Variants in MLLT3 observed in about 807,000 individuals in gnomAD.
MLLT3 encodes the protein MLLT3 super elongation complex subunit, also known as protein AF-9.
In MLLT3, 4 loss-of-function variants were observed where a neutral mutation model predicts 53.2. The observed-to-expected ratio is 0.08, with a 90% confidence interval of 0.04 to 0.17. MLLT3 has a LOEUF of 0.17. Ranked by LOEUF, MLLT3 falls within the 10% of genes least tolerant of loss-of-function variation. MLLT3 has a pLI of 1.00. For synonymous variants in MLLT3, 283 were observed against 230.6 expected (o/e 1.23, Z -2.06); for missense variants, 569 against 684.0 (o/e 0.83, Z 1.87).
At chr9:20,518,172 C>T (rs1817963484) in intron 2 of MLLT3, among the ~76,000 whole-genome samples, 1 of 152,074 alleles carries the variant, frequency 6.6e-6, no homozygotes, top group African/African-American at 2.4e-5. Context: ...ATGGTGAAAC[C>T]TCATATCTAC....
intron 2 of MLLT3, among the ~76,000 whole-genome samples, chr9:20,464,215 T>C (rs1275756035): frequency 6.6e-6 from 1 of 152,038 alleles, no homozygotes; most frequent in African/African-American, 2.4e-5. Flanking sequence ...TGTTAATTTA[T>C]AAAATTATAC....
chr9:20,368,463 A>G (rs1213462690), intron 5 of MLLT3, among the ~76,000 whole-genome samples: 1 of 152,150 alleles, frequency 6.6e-6, no homozygotes. Context: ...GCCAGTTCAC[A>G]TTGTATTGGA....
chr9:20,487,057 T>TA (rs893258917), intron 2 of MLLT3, among the ~76,000 whole-genome samples: 2 of 152,130 alleles, frequency 1.3e-5, no homozygotes, highest in Admixed American at 6.5e-5. Context: ...AATCAGACTA[T>TA]AAAAAATCAA....
intron 3 of MLLT3, among the ~76,000 whole-genome samples, chr9:20,449,205 G>A (rs960704343): frequency 1.3e-5 from 2 of 152,118 alleles, no homozygotes; most frequent in Non-Finnish European, 2.9e-5. Context: ...TACCCTGCTG[G>A]ATCAGAAGAC....
intron 2 of MLLT3, among the ~76,000 whole-genome samples, chr9:20,534,389 C>T (rs1326745257): frequency 6.6e-6 from 1 of 152,126 alleles, no homozygotes; most frequent in Non-Finnish European, 1.5e-5. Flanking sequence ...CTATTTTAAT[C>T]CTTTATATAA....
chr9:20,497,446 C>T (rs1825105857), intron 2 of MLLT3, among the ~76,000 whole-genome samples: 2 of 152,208 alleles, frequency 1.3e-5, no homozygotes, highest in South Asian at 4.1e-4. Context: ...CCCCTCCCTG[C>T]CCTGTCTAGG....
chr9:20,445,819 A>G (rs1823680674), intron 4 of MLLT3, among the ~76,000 whole-genome samples: 1 of 152,158 alleles, frequency 6.6e-6, no homozygotes, highest in Non-Finnish European at 1.5e-5. Flanking sequence ...ATGAGGAGGA[A>G]AGTATCCTCT....
chr9:20,405,896 G>A (rs887519121), intron 5 of MLLT3, among the ~76,000 whole-genome samples: 3 of 152,122 alleles, frequency 2.0e-5, no homozygotes, highest in Non-Finnish European at 2.9e-5. Context: ...TGGATCACCT[G>A]ATGTCAGGAG....
intron 2 of MLLT3, among the ~76,000 whole-genome samples, chr9:20,586,507 G>A (rs969928772): frequency 2.0e-5 from 3 of 152,096 alleles, no homozygotes; most frequent in African/African-American, 7.2e-5. Context: ...CTTAGGGGTG[G>A]CAGTGGACTG....
In MLLT3 at chr9:20,558,266, A is replaced by C. The variant is rs75911294; in HGVS notation, c.193+62388T>G. Among the ~76,000 whole-genome samples the C allele has an allele frequency of 6.5e-3, 988 of 152,252 alleles. 14 individuals are homozygous for C. Among genetic ancestry groups the C allele is most frequent in the African/African-American group, 0.023 (960 of 41,546 alleles). ...GATTTGCCCTAATAAACGCAGCCCCATATTTGGCCTTCAGAAGCAATTATT... is the reference window on the plus strand; with the variant it reads ...GATTTGCCCTAATAAACGCAGCCCCCTATTTGGCCTTCAGAAGCAATTATT... On this transcript the variant is annotated intron_variant, in intron 2 of 10. Transcript: ENST00000380338.
intron 2 of MLLT3, among the ~76,000 whole-genome samples, chr9:20,558,888 G>A (rs1178770981): frequency 2.6e-5 from 4 of 152,204 alleles, no homozygotes; most frequent in Admixed American, 6.5e-5. Context: ...AAACTTGCCA[G>A]CATTACAAAC....
chr9:20,605,189 C>T (rs73434568), intron 2 of MLLT3, among the ~76,000 whole-genome samples: 4,139 of 152,044 alleles, frequency 0.027, 211 homozygotes, highest in African/African-American at 0.093. Flanking sequence ...AAGAAACAAA[C>T]TCAATTCCTC....
intron 7 of MLLT3, chr9:20,363,261 TA>T: frequency 2.1e-6 from 1 of 482,328 alleles, no homozygotes; most frequent in Non-Finnish European, 3.5e-6. Context: ...CTTTTTCCTA[TA>T]AAAATTTTTA....
chr9:20,513,600 G>A (rs949785443), intron 2 of MLLT3, among the ~76,000 whole-genome samples: 1 of 152,168 alleles, frequency 6.6e-6, no homozygotes, highest in Non-Finnish European at 1.5e-5. Context: ...GTTCTGTGGA[G>A]TCACACTGTG....
intron 2 of MLLT3, among the ~76,000 whole-genome samples, chr9:20,493,052 C>T (rs1481274746): frequency 1.3e-5 from 2 of 151,738 alleles, no homozygotes; most frequent in African/African-American, 2.4e-5. Context: ...GGTATTATTC[C>T]CATTTCCAAT....
chr9:20,604,274 T>C (rs766303063), intron 2 of MLLT3, among the ~76,000 whole-genome samples: 2 of 152,104 alleles, frequency 1.3e-5, no homozygotes, highest in African/African-American at 4.8e-5. Context: ...TTATCCAAGA[T>C]GAGATTTTAA....
At chr9:20,374,378 T>C (rs1414934432) in intron 5 of MLLT3, among the ~76,000 whole-genome samples, 1 of 152,210 alleles carries the variant, frequency 6.6e-6, no homozygotes, top group Non-Finnish European at 1.5e-5. Flanking sequence ...GACAAGTCTC[T>C]GTCTCAAAAT....
intron 10 of MLLT3, among the ~76,000 whole-genome samples, chr9:20,350,510 G>A (rs1246649651): frequency 2.7e-5 from 4 of 148,540 alleles, no homozygotes; most frequent in African/African-American, 1.0e-4. Context: ...CAGGAGAATG[G>A]CGTGAACCCG....
chr9:20,457,476 C>T (rs1425900273), intron 2 of MLLT3, among the ~76,000 whole-genome samples: 5 of 151,684 alleles, frequency 3.3e-5, no homozygotes, highest in South Asian at 2.1e-4. Flanking sequence ...CTTGAACTCC[C>T]GACCTCAGGT....
Sources: gnomAD v4.1 joint callset for allele counts (sites outside exome capture counted in the v4.1 genomes callset) on GRCh38, gnomAD v4.1.1 for gene constraint, MANE v1.5 for transcripts, NCBI Gene and HGNC (gene_info 2026-07-23, HGNC 2026-07-21) for gene names.